The following GNB1 variants were observed in gnomAD, a reference collection of about 807,000 sequenced individuals.
GNB1 encodes guanine nucleotide-binding protein G(I)/G(S)/G(T) subunit beta-1.
Under a neutral mutation model 42.9 loss-of-function variants are expected in GNB1, and 2 were observed. The observed-to-expected ratio is 0.05, with a 90% confidence interval of 0.02 to 0.15. GNB1 has a LOEUF of 0.15. GNB1 is among the 10% of genes least tolerant of loss of function. The pLI is 1.00. For synonymous variants in GNB1, 183 were observed against 174.7 expected (o/e 1.05, Z -0.38); for missense variants, 193 against 462.2 (o/e 0.42, Z 5.34).
At chr1:1,877,864 T>C (rs977709214) in intron 1 of GNB1, among the ~76,000 whole-genome samples, 7 of 152,180 alleles carry the variant, frequency 4.6e-5, no homozygotes, top group Admixed American at 6.5e-5. Context: ...GATTTAGGCA[T>C]GTTTGAAGGT....
intron 1 of GNB1, among the ~76,000 whole-genome samples, chr1:1,869,418 G>A (rs902694597): frequency 2.0e-5 from 3 of 151,988 alleles, no homozygotes; most frequent in Admixed American, 1.3e-4. Flanking sequence ...TTACAGGGTG[G>A]ACCTCAGCCC....
intron 7 of GNB1, among the ~76,000 whole-genome samples, chr1:1,803,489 C>T (rs1646653396): frequency 6.6e-6 from 1 of 152,104 alleles, no homozygotes; most frequent in Admixed American, 6.6e-5. Flanking sequence ...GCTTTGTTGC[C>T]CCAGCTGGTC....
At chr1:1,880,490 G>A (rs557078041) in intron 1 of GNB1, among the ~76,000 whole-genome samples, 28 of 152,124 alleles carry the variant, frequency 1.8e-4, no homozygotes, top group Non-Finnish European at 3.4e-4. Flanking sequence ...CGGAGAGGCC[G>A]AGGCAGAATT....
chr1:1,802,968 A>G (rs1570637752), intron 7 of GNB1, among the ~76,000 whole-genome samples: 1 of 152,230 alleles, frequency 6.6e-6, no homozygotes, highest in Non-Finnish European at 1.5e-5. Flanking sequence ...AGAAATCAAC[A>G]ACAGCAGCAG....
chr1:1,860,563 G>A (rs867284595), intron 1 of GNB1, among the ~76,000 whole-genome samples: 35 of 151,630 alleles, frequency 2.3e-4, no homozygotes, highest in African/African-American at 8.2e-4. Flanking sequence ...TGTCAACCTT[G>A]GAGGCGGAGC....
chr1:1,812,799 T>C (rs1239732199), intron 5 of GNB1, among the ~76,000 whole-genome samples: 3 of 152,004 alleles, frequency 2.0e-5, no homozygotes, highest in Non-Finnish European at 2.9e-5. Context: ...AAGCCTCCCA[T>C]GCAAGGATCT....
chr1:1,870,203 C>T (rs1158597081), intron 1 of GNB1, among the ~76,000 whole-genome samples: 1 of 152,016 alleles, frequency 6.6e-6, no homozygotes, highest in Non-Finnish European at 1.5e-5. Flanking sequence ...TTTGTTTTTG[C>T]TTTTTTGAGA....
rs1646463944 is a variant in GNB1, at chr1:1,790,258, T to C, written c.699+137A>G. On this transcript the variant is annotated intron_variant, in intron 9 of 11. Coordinates refer to ENST00000378609, the MANE Select transcript of GNB1 (RefSeq NM_002074.5). The surrounding 1 kb of genome is among the most constrained non-coding windows in gnomAD (Gnocchi z 5.4). The stretch of plus-strand genomic sequence containing the variant: ...GAGAAGTTTCCCATCGGGAGTTTTC[T>C]GTATCCCCATCTGTACATGAGGTTG... 3.1e-6 allele frequency: 2 copies of C among 642,364 alleles called. No individual in the cohort carries two copies. The highest frequency in any genetic ancestry group is 5.3e-5 in the Admixed American group (2 of 37,912). The allele number at this position is 642,364 out of a possible 1,614,324, so 39.8% of individuals were successfully genotyped here.
At chr1:1,862,727 G>A (rs1648702734) in intron 1 of GNB1, among the ~76,000 whole-genome samples, 1 of 152,016 alleles carries the variant, frequency 6.6e-6, no homozygotes, top group Admixed American at 6.6e-5. Context: ...CCAAAGTGTT[G>A]GGACTACAGG....
chr1:1,789,693 C>A (rs532045432), intron 9 of GNB1, among the ~76,000 whole-genome samples: 203 of 47,824 alleles, frequency 4.2e-3, no homozygotes, highest in African/African-American at 0.013. Context: ...AAAACTCCGT[C>A]TCAAAAAAAA....
chr1:1,793,081 T>C (rs1391893342), intron 8 of GNB1, among the ~76,000 whole-genome samples, 164 bp downstream of exon 8: 1 of 151,302 alleles, frequency 6.6e-6, no homozygotes, highest in Non-Finnish European at 1.5e-5. Context: ...AAAAAAAGTA[T>C]AATGAATTCA....
chr1:1,868,609 C>T (rs1184708646), intron 1 of GNB1, among the ~76,000 whole-genome samples: 2 of 151,898 alleles, frequency 1.3e-5, no homozygotes, highest in African/African-American at 2.4e-5. Context: ...GGTGAAACCC[C>T]GTCTCTACTA....
chr1:1,860,747 G>A (rs925905910), intron 1 of GNB1, among the ~76,000 whole-genome samples: 2 of 150,524 alleles, frequency 1.3e-5, no homozygotes, highest in African/African-American at 4.9e-5. Flanking sequence ...CCCACAAACC[G>A]ACCAGACTGC....
At chr1:1,865,935 CA>C (rs1020792933) in intron 1 of GNB1, among the ~76,000 whole-genome samples, 37 of 151,864 alleles carry the variant, frequency 2.4e-4, no homozygotes, top group African/African-American at 8.7e-4. Context: ...GCCTTGAAAA[CA>C]GTATTTATTT....
chr1:1,816,922 G>A (rs75113100), intron 4 of GNB1, among the ~76,000 whole-genome samples: 1,751 of 151,968 alleles, frequency 0.012, 9 homozygotes, highest in South Asian at 0.02. Context: ...TGCTGGGATG[G>A]ACTTCATTTT....
chr1:1,813,180 ACT>A (rs909071583), intron 5 of GNB1, among the ~76,000 whole-genome samples: 1 of 150,218 alleles, frequency 6.7e-6, no homozygotes, highest in Non-Finnish European at 1.5e-5. Flanking sequence ...AGTCAGTGTC[ACT>A]CTGTCACCCA....
chr1:1,823,056 C>T (rs1646952799), intron 3 of GNB1, among the ~76,000 whole-genome samples: 1 of 151,642 alleles, frequency 6.6e-6, no homozygotes, highest in Non-Finnish European at 1.5e-5. Context: ...TCCTGGCTAA[C>T]ACGGTGAAAC....
At chr1:1,860,671 C>T (rs1320159240) in intron 1 of GNB1, among the ~76,000 whole-genome samples, 1 of 151,162 alleles carries the variant, frequency 6.6e-6, no homozygotes, top group African/African-American at 2.4e-5. Flanking sequence ...AGGAAGAGTC[C>T]CCACAAACCA....
chr1:1,805,842 G>A (rs564916034), intron 6 of GNB1, among the ~76,000 whole-genome samples: 42 of 152,094 alleles, frequency 2.8e-4, no homozygotes, highest in South Asian at 2.5e-3. Flanking sequence ...GCGCCCAGCC[G>A]AAAACAAAAG....
Sources: gnomAD v4.1 joint callset for allele counts (sites outside exome capture counted in the v4.1 genomes callset) on GRCh38, gnomAD v4.1.1 for gene constraint, Gnocchi (gnomAD v3.1) non-coding constraint, MANE v1.5 for transcripts, NCBI Gene and HGNC (gene_info 2026-07-23, HGNC 2026-07-21) for gene names.